The following KCNH1 variants were observed in gnomAD, a reference collection of about 807,000 sequenced individuals.
The protein encoded by KCNH1 is potassium voltage-gated channel subfamily H member 1, also known as voltage-gated delayed rectifier potassium channel KCNH1.
In KCNH1, 27 loss-of-function variants were observed where a neutral mutation model predicts 69.2. The ratio of observed to expected loss-of-function variants is 0.39; its 90% CI spans 0.29 to 0.54. KCNH1 has a LOEUF of 0.54. KCNH1 is among the 20% of genes least tolerant of loss of function. The probability of loss-of-function intolerance (pLI) is 0.68; values close to 1 mark genes in which losing one functional copy is unlikely to be tolerated. For missense variants in KCNH1, 798 were observed against 1,261.6 expected (o/e 0.63, Z 5.57); for synonymous variants, 456 against 487.7 (o/e 0.93, Z 0.86).
chr1:210,959,277 C>T (rs9662077), intron 6 of KCNH1, among the ~76,000 whole-genome samples: 107,062 of 152,008 alleles, frequency 0.7, 38,527 homozygotes, highest in African/African-American at 0.85. Context: ...TGCCTGATCC[C>T]TCCTCTGGAA....
chr1:210,840,521 G>A (rs1685385595), intron 7 of KCNH1, among the ~76,000 whole-genome samples: 1 of 152,190 alleles, frequency 6.6e-6, no homozygotes, highest in Non-Finnish European at 1.5e-5. Context: ...GAACCTGTGT[G>A]AACAGTGTCA....
chr1:210,974,958 T>C (rs1024720146), intron 6 of KCNH1, among the ~76,000 whole-genome samples: 3 of 152,174 alleles, frequency 2.0e-5, no homozygotes, highest in Non-Finnish European at 4.4e-5. Flanking sequence ...TATTGCTTTA[T>C]ACACACTTAC....
intron 6 of KCNH1, among the ~76,000 whole-genome samples, chr1:210,974,107 T>C (rs758927265): frequency 2.6e-5 from 4 of 152,130 alleles, no homozygotes; most frequent in Non-Finnish European, 5.9e-5. Context: ...TCTCTCACCC[T>C]TCTTAATGAT....
chr1:210,818,104 G>T (rs1273261362), intron 7 of KCNH1, among the ~76,000 whole-genome samples: 1 of 152,096 alleles, frequency 6.6e-6, no homozygotes, highest in Admixed American at 6.6e-5. Context: ...GAGGAAGTCA[G>T]ACAAGAAGCA....
intron 6 of KCNH1, among the ~76,000 whole-genome samples, chr1:210,953,405 A>G (rs1688100880): frequency 6.6e-6 from 1 of 152,192 alleles, no homozygotes; most frequent in Admixed American, 6.5e-5. Context: ...TACCAAAAGA[A>G]GCTTTTCAAT....
chr1:210,791,952 A>T (rs1034566924), intron 9 of KCNH1, among the ~76,000 whole-genome samples: 2 of 152,234 alleles, frequency 1.3e-5, no homozygotes, highest in Non-Finnish European at 2.9e-5. Flanking sequence ...ATCCATGAAC[A>T]AGCATTTATG....
intron 10 of KCNH1, among the ~76,000 whole-genome samples, chr1:210,738,113 C>T (rs55723924): frequency 0.036 from 5,450 of 151,840 alleles, 167 homozygotes; most frequent in East Asian, 0.15. Context: ...TCACTCCCCC[C>T]GCAACCATAT....
intron 6 of KCNH1, among the ~76,000 whole-genome samples, chr1:210,945,877 A>G (rs1237620171): frequency 6.6e-6 from 1 of 152,198 alleles, no homozygotes; most frequent in Non-Finnish European, 1.5e-5. Context: ...CGCAACTCCC[A>G]GACCCCCTTC....
chr1:210,892,929 C>A (rs921796225), intron 7 of KCNH1, among the ~76,000 whole-genome samples: 3 of 152,102 alleles, frequency 2.0e-5, no homozygotes, highest in Admixed American at 1.3e-4. Flanking sequence ...TACAAGTAGA[C>A]AATTATATTA....
At chr1:210,934,017 T>C (rs753141884) in intron 6 of KCNH1, among the ~76,000 whole-genome samples, 11 of 152,180 alleles carry the variant, frequency 7.2e-5, no homozygotes, top group Non-Finnish European at 1.5e-4. Flanking sequence ...TATCTCTCAC[T>C]ATATGCAAAA....
chr1:210,861,002 A>G, intron 7 of KCNH1: 2 of 1,064,278 alleles, frequency 1.9e-6, no homozygotes, highest in Non-Finnish European at 2.9e-6. Context: ...TTTTTTTCAA[A>G]GGTCAGCATT....
chr1:210,780,734 G>A (rs112445165), intron 9 of KCNH1, among the ~76,000 whole-genome samples: 3 of 152,330 alleles, frequency 2.0e-5, no homozygotes, highest in African/African-American at 4.8e-5. Context: ...GAGACACAAA[G>A]ATCTGCCTCT....
At chr1:210,851,048 C>A (rs924416494) in intron 7 of KCNH1, among the ~76,000 whole-genome samples, 7 of 152,186 alleles carry the variant, frequency 4.6e-5, no homozygotes, top group African/African-American at 1.7e-4. Flanking sequence ...GTCTTCATGG[C>A]CCACGTATCC....
intron 7 of KCNH1, among the ~76,000 whole-genome samples, chr1:210,896,673 G>C (rs923461384): frequency 1.3e-5 from 2 of 152,118 alleles, no homozygotes; most frequent in African/African-American, 4.8e-5. Flanking sequence ...TGGGTTTCTG[G>C]TGTCTAGCAA....
chr1:211,050,290 A>AAAAAAAAAAAAAAAAAAT (rs1690176928), intron 5 of KCNH1, among the ~76,000 whole-genome samples: 1 of 145,386 alleles, frequency 6.9e-6, no homozygotes, highest in Non-Finnish European at 1.5e-5. Context: ...AAAAAAAAAA[A>AAAAAAAAAAAAAAAAAAT]GGACAGCTTG....
chr1:210,741,160 G>A (rs572384062), intron 10 of KCNH1, among the ~76,000 whole-genome samples: 25 of 151,854 alleles, frequency 1.6e-4, no homozygotes, highest in Middle Eastern at 3.4e-3. Flanking sequence ...TCGAGTATAA[G>A]AAGAAGTGCT....
intron 7 of KCNH1, among the ~76,000 whole-genome samples, chr1:210,908,672 A>G (rs1446196413): frequency 6.6e-6 from 1 of 152,122 alleles, no homozygotes; most frequent in Non-Finnish European, 1.5e-5. Context: ...GGTGCATTCT[A>G]ACTTCCTCAC....
rs2102561827 is a variant in KCNH1, at chr1:210,920,033, G to A, written c.1069C>T (p.Arg357Trp). ...SSLFSSLKVV[R>W]LLRLGRVARK... ...GCCACTCGCCCAAGACGGAGCAGCC[G>A]GACAACTTTTAGAGAGCTGAACAGG... The change falls in exon 7 of 11, where the codon CGG (arginine) becomes TGG (tryptophan). Residue 357 changes from arginine (R) to tryptophan (W), a missense_variant. Arg to Trp is a moderately radical substitution (Grantham distance 101). This residue lies in a region of KCNH1 where 266 missense variants were observed against 457.2 expected (regional missense o/e 0.58). Transcript: ENST00000271751. 6.2e-7 allele frequency: 1 copy of A among 1,614,018 alleles called. No individual in the cohort carries two copies. The highest frequency in any genetic ancestry group is 8.5e-7 in the Non-Finnish European group (1 of 1,179,992).
At chr1:211,102,191 C>G (rs988298341) in intron 3 of KCNH1, among the ~76,000 whole-genome samples, 1 of 152,212 alleles carries the variant, frequency 6.6e-6, no homozygotes, top group Non-Finnish European at 1.5e-5. Context: ...CTCAAACTCA[C>G]TCTGGGGCAT....
Sources: gnomAD v4.1 joint callset for allele counts (sites outside exome capture counted in the v4.1 genomes callset) on GRCh38, gnomAD v4.1.1 for gene constraint, gnomAD v4.1.1 regional missense constraint, MANE v1.5 for transcripts, NCBI Gene and HGNC (gene_info 2026-07-23, HGNC 2026-07-21) for gene names.